Variants in NXN observed in about 807,000 individuals in gnomAD.
NXN encodes nucleoredoxin.
A neutral mutation model predicts 48.6 loss-of-function variants in NXN; 16 were observed. The observed-to-expected ratio is 0.33, with a 90% confidence interval of 0.22 to 0.50. NXN has a LOEUF of 0.50. NXN is among the 20% of genes least tolerant of loss of function. NXN has a pLI of 0.98. For synonymous variants in NXN, 281 were observed against 269.6 expected (o/e 1.04, Z -0.41); for missense variants, 492 against 605.5 (o/e 0.81, Z 1.97).
intron 5 of NXN, among the ~76,000 whole-genome samples, chr17:805,700 T>C (rs1597609791): frequency 6.6e-6 from 1 of 151,990 alleles, no homozygotes; most frequent in East Asian, 1.9e-4. Context: ...TAGCTGGGCG[T>C]GGTGGCGGGC....
intron 1 of NXN, among the ~76,000 whole-genome samples, chr17:852,672 GCTCT>G (rs764770136): frequency 2.6e-5 from 4 of 152,334 alleles, no homozygotes; most frequent in East Asian, 1.9e-4. Flanking sequence ...ACCCCCGTCT[GCTCT>G]CTGAGTCAGC....
intron 1 of NXN, among the ~76,000 whole-genome samples, chr17:847,067 G>A (rs552566138): frequency 2.1e-4 from 32 of 152,192 alleles, no homozygotes; most frequent in Non-Finnish European, 3.5e-4. Flanking sequence ...TTCCGTGTCC[G>A]CTCTGCAAAA....
At chr17:947,101 C>G (rs958647098) in intron 1 of NXN, among the ~76,000 whole-genome samples, 2 of 152,176 alleles carry the variant, frequency 1.3e-5, no homozygotes, top group Non-Finnish European at 2.9e-5. Flanking sequence ...CATCCTCTCA[C>G]TCTTAGGCTT....
chr17:873,597 T>G (rs12936862), intron 1 of NXN, among the ~76,000 whole-genome samples: 1 of 151,760 alleles, frequency 6.6e-6, no homozygotes, highest in South Asian at 2.1e-4. Context: ...GAATATCAAC[T>G]TCTTACTGGA....
At chr17:807,977 C>T (rs1911668614) in intron 5 of NXN, among the ~76,000 whole-genome samples, 1 of 152,152 alleles carries the variant, frequency 6.6e-6, no homozygotes, top group Non-Finnish European at 1.5e-5. Context: ...AAGGTGACCC[C>T]CAGGTCACCC....
At chr17:946,228 C>T (rs572620915) in intron 1 of NXN, among the ~76,000 whole-genome samples, 1 of 41,118 alleles carries the variant, frequency 2.4e-5, no homozygotes, top group South Asian at 1.1e-3. Context: ...CTCCGCCTCC[C>T]GGGGATCCCT....
At position 959,180 on chromosome 17, in the gene NXN, C is replaced by T. The variant is rs1479128760; in HGVS notation, c.360+20139G>A. The stretch of plus-strand genomic sequence containing the variant: ...ACGGAAGGCTGGAGAGGTGGTTCCC[C>T]GCCACGTACCAGTTCAGCCAGTACG... On this transcript the variant is annotated intron_variant, in intron 1 of 7. Coordinates refer to ENST00000336868, the MANE Select transcript of NXN (RefSeq NM_022463.5). 23 of 957,008 alleles carry T rather than the reference C, an allele frequency of 2.4e-5. No homozygotes were observed. In the Admixed American group the frequency reaches 4.3e-4, roughly 18 times the overall value. 59.3% of individuals were successfully genotyped at this position (957,008 alleles called of 1,614,324 possible).
chr17:805,119 C>G lies in NXN; in HGVS notation c.949G>C (p.Asp317His). The G allele has an allele frequency of 6.2e-7, 1 of 1,610,096 alleles. No homozygotes were observed. The highest frequency in any genetic ancestry group is 8.5e-7 in the Non-Finnish European group (1 of 1,178,800). ...TCGTTAAGCTGCGCGGCGTTGGAGT[C>G]GGAGAGCTCCAGCACGGGCTTGGGG... ...WHPKPVLELS[D>H]SNAAQLNEGP... Residue 317 changes from aspartate to histidine, a missense_variant, in exon 6 of 8, where the codon GAC (aspartate) becomes CAC (histidine). Physicochemically the swap from Asp to His is moderately conservative, Grantham distance 81. Coordinates refer to ENST00000336868, the MANE Select transcript of NXN (RefSeq NM_022463.5).
At chr17:976,768 CTT>C (rs397962595) in intron 1 of NXN, among the ~76,000 whole-genome samples, 30 of 142,424 alleles carry the variant, frequency 2.1e-4, no homozygotes, top group Non-Finnish European at 2.2e-4. Context: ...AAAATAATTC[CTT>C]TTTTTTTTTT....
chr17:912,265 G>A (rs929630960), intron 1 of NXN, among the ~76,000 whole-genome samples: 2 of 151,946 alleles, frequency 1.3e-5, no homozygotes, highest in South Asian at 2.1e-4. Flanking sequence ...ATCCACATTC[G>A]GTTGAAAAAA....
intron 1 of NXN, among the ~76,000 whole-genome samples, chr17:951,676 A>G (rs894534236): frequency 2.0e-5 from 3 of 151,824 alleles, no homozygotes; most frequent in African/African-American, 7.3e-5. Context: ...ATGGAAGTGA[A>G]TGAAAGCAGT....
intron 1 of NXN, among the ~76,000 whole-genome samples, chr17:884,303 G>A (rs1412160413): frequency 6.6e-6 from 1 of 152,106 alleles, no homozygotes; most frequent in Non-Finnish European, 1.5e-5. Flanking sequence ...TACTTGGGGG[G>A]CTGAGGTGGG....
chr17:965,890 G>T (rs1014830901), intron 1 of NXN, among the ~76,000 whole-genome samples: 9 of 152,010 alleles, frequency 5.9e-5, no homozygotes, highest in Non-Finnish European at 1.3e-4. Flanking sequence ...GCCGAGGTGG[G>T]GAAAACATGA....
intron 1 of NXN, among the ~76,000 whole-genome samples, chr17:845,337 C>T (rs1028766139): frequency 3.9e-5 from 6 of 152,124 alleles, no homozygotes; most frequent in African/African-American, 1.4e-4. Flanking sequence ...AGGGACTCAA[C>T]ATCCAAGAGA....
intron 3 of NXN, 22 bp from the exon 4 acceptor site, chr17:822,479 C>T (rs768058874): frequency 3.9e-5 from 61 of 1,571,086 alleles, no homozygotes; most frequent in Non-Finnish European, 4.8e-5. Context: ...GACAGCAAGA[C>T]CCGCTGCGTC....
chr17:975,763 A>C (rs546162410), intron 1 of NXN, among the ~76,000 whole-genome samples: 2 of 152,334 alleles, frequency 1.3e-5, no homozygotes, highest in South Asian at 4.1e-4. Flanking sequence ...AAGAGTGCTC[A>C]CTTCTATGAG....
At chr17:950,622 C>T (rs1461889091) in intron 1 of NXN, among the ~76,000 whole-genome samples, 1 of 152,084 alleles carries the variant, frequency 6.6e-6, no homozygotes, top group East Asian at 1.9e-4. Flanking sequence ...CCCGTCCGTT[C>T]CCCAAAAGCA....
chr17:933,647 T>A (rs2068876888), intron 1 of NXN, among the ~76,000 whole-genome samples: 1 of 151,666 alleles, frequency 6.6e-6, no homozygotes, highest in African/African-American at 2.4e-5. Flanking sequence ...ATCTTGAAAT[T>A]CCCCCTTTCA....
chr17:846,372 G>A (rs1171081350), intron 1 of NXN, among the ~76,000 whole-genome samples: 1 of 138,816 alleles, frequency 7.2e-6, no homozygotes, highest in Non-Finnish European at 1.5e-5. Flanking sequence ...AGCCAAGATC[G>A]TGCCACTGCA....
Sources: allele counts gnomAD v4.1 joint callset (sites outside exome capture counted in the v4.1 genomes callset), GRCh38; gene constraint gnomAD v4.1.1; transcripts MANE v1.5; gene names NCBI Gene and HGNC (gene_info 2026-07-23, HGNC 2026-07-21).